TENM4: variants seen among roughly 807,000 people sequenced by gnomAD.
TENM4 encodes the protein teneurin-4.
A neutral mutation model predicts 243.3 loss-of-function variants in TENM4; 82 were observed. The ratio of observed to expected loss-of-function variants is 0.34; its 90% CI spans 0.28 to 0.40. TENM4 has a LOEUF of 0.40. TENM4 is among the 10% of genes least tolerant of loss of function. The pLI is 1.00. For missense variants in TENM4, 3,138 were observed against 3,673.3 expected (o/e 0.85, Z 3.77); for synonymous variants, 1,412 against 1,456.3 (o/e 0.97, Z 0.69).
At chr11:79,083,665 T>G (rs2137034694) in intron 4 of TENM4, among the ~76,000 whole-genome samples, 1 of 152,284 alleles carries the variant, frequency 6.6e-6, no homozygotes, top group South Asian at 2.1e-4. Flanking sequence ...TGTGAGAGCC[T>G]TCCTGGCGGC....
intron 6 of TENM4, among the ~76,000 whole-genome samples, chr11:78,963,373 C>A (rs1857372174): frequency 6.6e-6 from 1 of 152,222 alleles, no homozygotes; most frequent in Admixed American, 6.5e-5. Context: ...GACCTTTCAA[C>A]ATGTGCAGTA....
At chr11:78,703,995 G>T (rs1351438203) in intron 27 of TENM4, among the ~76,000 whole-genome samples, 1 of 143,460 alleles carries the variant, frequency 7.0e-6, no homozygotes, top group African/African-American at 2.6e-5. Context: ...GGTACTACAG[G>T]CATGTGCCAC....
intron 1 of TENM4, among the ~76,000 whole-genome samples, chr11:79,330,042 G>A (rs1245024614): frequency 6.6e-6 from 1 of 152,182 alleles, no homozygotes; most frequent in Non-Finnish European, 1.5e-5. Flanking sequence ...TCCGGGCAAT[G>A]GTGTGTTGTT....
chr11:79,142,239 C>T (rs922471519), intron 4 of TENM4, among the ~76,000 whole-genome samples: 2 of 151,990 alleles, frequency 1.3e-5, no homozygotes, highest in Non-Finnish European at 2.9e-5. Flanking sequence ...AAGCTAAAGA[C>T]TCCATCAAAA....
In TENM4 at chr11:79,261,368, T is replaced by C. The variant is rs557491737; in HGVS notation, c.-265+36120A>G. Among the ~76,000 whole-genome samples the C allele has an allele frequency of 3.9e-5, 6 of 152,306 alleles. No individual in the cohort carries two copies. In the East Asian group the frequency reaches 5.8e-4, roughly 15 times the overall value. On this transcript the variant is annotated intron_variant, in intron 2 of 33. Coordinates refer to ENST00000278550, the MANE Select transcript of TENM4 (RefSeq NM_001098816.3). ...GCTCCAGGGGCTGTGGAATGGACAT[T>C]CATTAGACACAAACTCTGTTCCCGG...
intron 28 of TENM4, among the ~76,000 whole-genome samples, chr11:78,693,962 C>G (rs1447619984): frequency 6.6e-6 from 1 of 152,078 alleles, no homozygotes; most frequent in Admixed American, 6.5e-5. Flanking sequence ...TTGCCGTGAG[C>G]CGAGATCGCA....
chr11:78,819,427 G>A (rs1440069323), intron 12 of TENM4, among the ~76,000 whole-genome samples: 2 of 152,176 alleles, frequency 1.3e-5, no homozygotes, highest in Non-Finnish European at 2.9e-5. Context: ...AGAGACCACA[G>A]AAGAAAATCC....
intron 2 of TENM4, among the ~76,000 whole-genome samples, chr11:79,274,184 C>A (rs1172312961): frequency 1.3e-5 from 2 of 152,204 alleles, no homozygotes; most frequent in Non-Finnish European, 2.9e-5. Context: ...ACATAAACAT[C>A]AAATGTAAAC....
At chr11:79,251,473 CT>C (rs1855610977) in intron 2 of TENM4, among the ~76,000 whole-genome samples, 1 of 152,220 alleles carries the variant, frequency 6.6e-6, no homozygotes, top group Non-Finnish European at 1.5e-5. Flanking sequence ...AGTAGGACCT[CT>C]AAGTTGCTTG....
At chr11:79,012,217 G>A (rs1858664829) in intron 6 of TENM4, among the ~76,000 whole-genome samples, 1 of 152,186 alleles carries the variant, frequency 6.6e-6, no homozygotes, top group Non-Finnish European at 1.5e-5. Flanking sequence ...CCATGAGAGT[G>A]GCCTCTATTT....
chr11:79,160,675 G>A (rs921095105), intron 3 of TENM4, among the ~76,000 whole-genome samples: 11 of 152,198 alleles, frequency 7.2e-5, no homozygotes, highest in Non-Finnish European at 1.5e-4. Context: ...CATGTCACCA[G>A]TGAGAATAAG....
intron 5 of TENM4, among the ~76,000 whole-genome samples, chr11:79,067,372 C>T (rs1245382115): frequency 2.0e-5 from 3 of 152,334 alleles, no homozygotes; most frequent in Non-Finnish European, 4.4e-5. Context: ...ATCTACACTC[C>T]TCTCTCCTGT....
chr11:79,220,190 C>T (rs531067775), intron 2 of TENM4, among the ~76,000 whole-genome samples: 5 of 152,332 alleles, frequency 3.3e-5, no homozygotes, highest in South Asian at 2.1e-4. Context: ...ACTGTATCAT[C>T]GCACCTGCAG....
chr11:78,751,111 A>C (rs1018935032), intron 19 of TENM4, among the ~76,000 whole-genome samples: 6 of 151,800 alleles, frequency 4.0e-5, no homozygotes, highest in African/African-American at 1.5e-4. Flanking sequence ...GAACTTCTGA[A>C]CTCAAGCGAT....
intron 2 of TENM4, among the ~76,000 whole-genome samples, chr11:79,250,020 C>G (rs1187555642): frequency 6.6e-6 from 1 of 152,192 alleles, no homozygotes; most frequent in Non-Finnish European, 1.5e-5. Context: ...GAGTCTTGCT[C>G]TGTTGCCCAG....
At chr11:78,857,748 C>T (rs539390698) in intron 10 of TENM4, among the ~76,000 whole-genome samples, 11 of 152,314 alleles carry the variant, frequency 7.2e-5, no homozygotes, top group South Asian at 2.1e-4. Flanking sequence ...AAAACCACCA[C>T]GCTGTGATTC....
chr11:79,067,101 C>G (rs1351738815), intron 5 of TENM4, among the ~76,000 whole-genome samples: 1 of 152,210 alleles, frequency 6.6e-6, no homozygotes, highest in Non-Finnish European at 1.5e-5. Context: ...GATCCAGTTA[C>G]TAAACAAAGG....
At chr11:79,333,915 G>A (rs1368971554) in intron 1 of TENM4, among the ~76,000 whole-genome samples, 1 of 152,102 alleles carries the variant, frequency 6.6e-6, no homozygotes, top group Non-Finnish European at 1.5e-5. Flanking sequence ...TTTCCCTAAT[G>A]GGTTTCACAC....
rs1018217584 is a variant in TENM4 at position 78,783,568 on chromosome 11, A to C, written c.2365+3330T>G. ...CCACTCCATTCTGTGATTCATGGATAGAGAAACTAAAGCCTCAGGCAACTG... is the reference window on the plus strand; with the variant it reads ...CCACTCCATTCTGTGATTCATGGATCGAGAAACTAAAGCCTCAGGCAACTG... On this transcript the variant is annotated intron_variant, in intron 16 of 33. Transcript: ENST00000278550. 2.0e-5 allele frequency among the ~76,000 whole-genome samples: 3 copies of C among 152,204 alleles called. No individual in the cohort carries two copies. The East Asian group carries it at 5.8e-4, about 29-fold the overall frequency.
Sources: gnomAD v4.1 joint callset for allele counts (sites outside exome capture counted in the v4.1 genomes callset) on GRCh38, gnomAD v4.1.1 for gene constraint, MANE v1.5 for transcripts, NCBI Gene and HGNC (gene_info 2026-07-23, HGNC 2026-07-21) for gene names.